Variants in PTPRM observed in about 807,000 individuals in gnomAD.
PTPRM encodes receptor-type tyrosine-protein phosphatase mu.
Under a neutral mutation model 186.7 loss-of-function variants are expected in PTPRM, and 47 were observed. That is an observed-to-expected ratio of 0.25 (90% confidence interval 0.20 to 0.32). The LOEUF is 0.32. Ranked by LOEUF, PTPRM falls within the 10% of genes least tolerant of loss-of-function variation. PTPRM has a pLI of 1.00. For missense variants in PTPRM, 1,494 were observed against 1,865.0 expected, an observed-to-expected ratio of 0.80 and a Z score of 3.66; for synonymous variants, 668 against 674.9, an observed-to-expected ratio of 0.99 and a Z score of 0.16.
chr18:7,925,718 T>G (rs2051135814), intron 4 of PTPRM, among the ~76,000 whole-genome samples: 1 of 152,190 alleles, frequency 6.6e-6, no homozygotes, highest in Admixed American at 6.5e-5. Context: ...CCCTTCCCGC[T>G]TTGTTACTCT....
At chr18:8,072,693 A>C (rs965843113) in intron 8 of PTPRM, among the ~76,000 whole-genome samples, 1 of 152,088 alleles carries the variant, frequency 6.6e-6, no homozygotes, top group South Asian at 2.1e-4. Flanking sequence ...ATTGAAATAC[A>C]GTTTTTTTCA....
chr18:7,825,296 C>T (rs2045424156), intron 2 of PTPRM, among the ~76,000 whole-genome samples: 1 of 152,028 alleles, frequency 6.6e-6, no homozygotes, highest in African/African-American at 2.4e-5. Flanking sequence ...TCAAGGGAAA[C>T]ACAGCTAGGT....
At chr18:8,380,900 CGTCATGCAGGGCAGGTAGAGATT>C (rs1248210923) in intron 29 of PTPRM, among the ~76,000 whole-genome samples, 1 of 152,074 alleles carries the variant, frequency 6.6e-6, no homozygotes, top group African/African-American at 2.4e-5. Flanking sequence ...AGGTAGAGAT[CGTCATGCAGGGCAGGTAGAGATT>C]GTCATGCAGG....
chr18:7,933,271 C>T (rs1468812185), intron 5 of PTPRM, among the ~76,000 whole-genome samples: 1 of 152,188 alleles, frequency 6.6e-6, no homozygotes, highest in Non-Finnish European at 1.5e-5. Flanking sequence ...GGTGAAAGTG[C>T]TCAACCTAAT....
At chr18:8,203,891 G>A (rs1339184263) in intron 14 of PTPRM, among the ~76,000 whole-genome samples, 1 of 152,120 alleles carries the variant, frequency 6.6e-6, no homozygotes, top group Non-Finnish European at 1.5e-5. Flanking sequence ...GCTCGGTCAG[G>A]AAAGCTAAAT....
chr18:7,830,168 C>G (rs2045686884), intron 2 of PTPRM, among the ~76,000 whole-genome samples: 1 of 152,068 alleles, frequency 6.6e-6, no homozygotes, highest in South Asian at 2.1e-4. Flanking sequence ...CTTCCCAAAC[C>G]CACATTTCCT....
intron 7 of PTPRM, among the ~76,000 whole-genome samples, chr18:7,956,621 C>T (rs1176204119): frequency 6.6e-6 from 1 of 152,232 alleles, no homozygotes; most frequent in Non-Finnish European, 1.5e-5. Flanking sequence ...TGCAGGCAGT[C>T]TGGTCCCTGG....
chr18:7,644,555 A>G (rs566039815), intron 1 of PTPRM, among the ~76,000 whole-genome samples: 1 of 152,278 alleles, frequency 6.6e-6, no homozygotes, highest in South Asian at 2.1e-4. Flanking sequence ...AGATTACTCT[A>G]TCAAGAAAAT....
chr18:7,630,406 C>T (rs1343748081), intron 1 of PTPRM, among the ~76,000 whole-genome samples: 1 of 152,128 alleles, frequency 6.6e-6, no homozygotes, highest in African/African-American at 2.4e-5. Context: ...CCTGTGACTT[C>T]AGCAAGAGCC....
In PTPRM at chr18:8,069,771, T is replaced by C; in HGVS notation, c.1218T>C (p.Asn406=). 2 of 1,613,872 alleles carry C rather than the reference T, an allele frequency of 1.2e-6. No homozygotes were observed. The highest frequency in any genetic ancestry group is 1.3e-5 in the African/African-American group (1 of 75,056). The part of the protein sequence containing the change: ...ITIRWEPFGY[N]VTRCHSYNLT... ...TCCGCTGGGAGCCATTTGGATATAA[T>C]GTAACTCGTTGCCACAGTTATAATC... The change falls in exon 8 of 33, where the codon AAT becomes AAC. Residue 406 remains asparagine (N), a synonymous_variant. Coordinates refer to ENST00000580170, the MANE Select transcript of PTPRM (RefSeq NM_001105244.2).
intron 4 of PTPRM, among the ~76,000 whole-genome samples, chr18:7,909,000 G>GT (rs747094408): frequency 2.6e-5 from 4 of 152,232 alleles, no homozygotes; most frequent in Non-Finnish European, 5.9e-5. Flanking sequence ...CTGCCTCCCT[G>GT]TTTCTTAGAG....
At chr18:7,969,264 A>T (rs1250625350) in intron 7 of PTPRM, among the ~76,000 whole-genome samples, 2 of 139,316 alleles carry the variant, frequency 1.4e-5, no homozygotes, top group Non-Finnish European at 3.1e-5. Flanking sequence ...ACCAACGAGA[A>T]CAAAGACACC....
chr18:7,857,691 G>A (rs79140429), intron 2 of PTPRM, among the ~76,000 whole-genome samples: 178 of 152,246 alleles, frequency 1.2e-3, no homozygotes, highest in African/African-American at 4.1e-3. Flanking sequence ...GACTCAGTCA[G>A]TTTCTTTCAG....
chr18:8,012,733 C>G (rs561101107), intron 7 of PTPRM, among the ~76,000 whole-genome samples: 1 of 152,298 alleles, frequency 6.6e-6, no homozygotes, highest in Admixed American at 6.5e-5. Flanking sequence ...ATGTGCGGTT[C>G]ATTATTATAC....
intron 9 of PTPRM, among the ~76,000 whole-genome samples, chr18:8,084,169 ACACAGTGCTTGG>A (rs2090307000): frequency 6.6e-6 from 1 of 152,148 alleles, no homozygotes; most frequent in Admixed American, 6.6e-5. Context: ...CCAGCTCCGA[ACACAGTGCTTGG>A]CACATGAGAG....
intron 19 of PTPRM, among the ~76,000 whole-genome samples, chr18:8,288,353 G>T (rs1320341034): frequency 6.6e-6 from 1 of 152,218 alleles, no homozygotes; most frequent in African/African-American, 2.4e-5. Flanking sequence ...AGACATTCCA[G>T]ATAAGGGGGA....
chr18:7,824,808 A>G (rs955217086), intron 2 of PTPRM, among the ~76,000 whole-genome samples: 3 of 152,294 alleles, frequency 2.0e-5, no homozygotes, highest in Non-Finnish European at 4.4e-5. Context: ...GACTTACAAC[A>G]GAATTGTGCC....
chr18:8,079,301 A>G (rs1341338227), intron 9 of PTPRM, among the ~76,000 whole-genome samples: 1 of 152,048 alleles, frequency 6.6e-6, no homozygotes, highest in Non-Finnish European at 1.5e-5. Context: ...AATTTTGTCA[A>G]TCATCTTCCT....
chr18:8,367,462 C>T (rs2095637994), intron 23 of PTPRM, among the ~76,000 whole-genome samples: 2 of 152,266 alleles, frequency 1.3e-5, no homozygotes, highest in African/African-American at 4.8e-5. Context: ...TGAGAGCAGA[C>T]GGTGTTTTCT....
Sources: allele counts gnomAD v4.1 joint callset (sites outside exome capture counted in the v4.1 genomes callset), GRCh38; gene constraint gnomAD v4.1.1; transcripts MANE v1.5; gene names NCBI Gene and HGNC (gene_info 2026-07-23, HGNC 2026-07-21).